AGAP1: variants seen among roughly 807,000 people sequenced by gnomAD.
The protein encoded by AGAP1 is arf-GAP with GTPase, ANK repeat and PH domain-containing protein 1.
A neutral mutation model predicts 105.3 loss-of-function variants in AGAP1; 29 were observed. That is an observed-to-expected ratio of 0.28 (90% CI 0.21 to 0.38). The LOEUF is 0.38. Among genes scored for constraint, AGAP1 ranks in the 10% least tolerant of loss-of-function variants. AGAP1 has a pLI of 1.00. For synonymous variants in AGAP1, 509 were observed against 485.9 expected, an observed-to-expected ratio of 1.05 and a Z score of -0.63; for missense variants, 998 against 1,165.1, an observed-to-expected ratio of 0.86 and a Z score of 2.09.
chr2:235,970,044 A>C lies in AGAP1; in HGVS notation c.1645+1421A>C, dbSNP rs760618732. 2.6e-5 allele frequency among the ~76,000 whole-genome samples: 4 copies of C among 152,064 alleles called. No individual in the cohort carries two copies. The highest frequency in any genetic ancestry group is 4.8e-5 in the African/African-American group (2 of 41,398). On this transcript the variant is annotated intron_variant, in intron 13 of 17. Coordinates refer to ENST00000304032, the MANE Select transcript of AGAP1 (RefSeq NM_001037131.3). The surrounding 1 kb of genome is among the most constrained non-coding windows in gnomAD (Gnocchi z 5.4). ...TGATGAAACTCTGTCTCTACTAAAA[A>C]TACAAAAATTAGCTGGATGTGGTGG...
chr2:236,081,158 T>C (rs1460257618), intron 16 of AGAP1, among the ~76,000 whole-genome samples: 1 of 151,918 alleles, frequency 6.6e-6, no homozygotes, highest in African/African-American at 2.4e-5. Context: ...CATCTCAGCG[T>C]AGGGTGCAGA....
At chr2:235,703,558 CTCCTTCCCCTCCCCCGCT>C (rs1950365630) in intron 1 of AGAP1, among the ~76,000 whole-genome samples, 1 of 140,652 alleles carries the variant, frequency 7.1e-6, no homozygotes, top group Admixed American at 7.2e-5. Flanking sequence ...TCCCCTCCCC[CTCCTTCCCCTCCCCCGCT>C]TCCCTCCCCT....
chr2:236,014,831 C>T lies in AGAP1; in HGVS notation c.1646-21730C>T, dbSNP rs2056640065. 1 of 459,582 alleles carries T rather than the reference C, an allele frequency of 2.2e-6. No homozygotes were observed. The highest frequency in any genetic ancestry group is 4.5e-6 in the Non-Finnish European group (1 of 222,940). The allele number at this position is 459,582 out of a possible 1,614,324, so 28.5% of individuals were successfully genotyped here. A position where few individuals can be genotyped will look rare whatever the true frequency, so the allele number is the denominator to read the frequency against. ...CAAACGCAAAGCATGGAAACTAAAC[C>T]GTGTTGGTAGCCTGCGAAATATATA... On this transcript the variant is annotated intron_variant, in intron 13 of 17. Transcript: ENST00000304032. The surrounding 1 kb of genome is among the most constrained non-coding windows in gnomAD (Gnocchi z 6.3).
chr2:235,544,455 AG>A (rs1390673909), intron 1 of AGAP1, among the ~76,000 whole-genome samples: 2 of 152,212 alleles, frequency 1.3e-5, no homozygotes, highest in African/African-American at 4.8e-5. Flanking sequence ...CGGTCCCCTT[AG>A]GCTGAGCATC....
At chr2:235,510,155 A>G (rs1020231246) in intron 1 of AGAP1, among the ~76,000 whole-genome samples, 2 of 152,164 alleles carry the variant, frequency 1.3e-5, no homozygotes, top group African/African-American at 2.4e-5. Flanking sequence ...ATATATTACA[A>G]TGCAGTAATG....
chr2:235,550,863 C>T lies in AGAP1; in HGVS notation c.163+56014C>T, dbSNP rs940694852. ...TGTCTCGGCTCACTACAACCTCCACCTCCTGGGTCCAAGCAATTCTCCTGC... is the reference window on the plus strand; with the variant it reads ...TGTCTCGGCTCACTACAACCTCCACTTCCTGGGTCCAAGCAATTCTCCTGC... On this transcript the variant is annotated intron_variant, in intron 1 of 17. Coordinates refer to ENST00000304032, the MANE Select transcript of AGAP1 (RefSeq NM_001037131.3). This position sits in a 1 kb window ranked among gnomAD's most constrained non-coding sequence, Gnocchi z 4.6. 6.6e-6 allele frequency among the ~76,000 whole-genome samples: 1 copy of T among 152,140 alleles called. No homozygotes were observed. The highest frequency in any genetic ancestry group is 1.9e-4 in the East Asian group (1 of 5,182).
chr2:235,518,656 T>C (rs1410660626), intron 1 of AGAP1, among the ~76,000 whole-genome samples: 2 of 152,178 alleles, frequency 1.3e-5, no homozygotes, highest in East Asian at 3.8e-4. Context: ...GAGAGTGACA[T>C]GGTGTTTTGA....
chr2:235,916,676 A>C (rs1559643560), intron 11 of AGAP1, among the ~76,000 whole-genome samples: 1 of 152,268 alleles, frequency 6.6e-6, no homozygotes, highest in Non-Finnish European at 1.5e-5. Flanking sequence ...ATGGAGAAGA[A>C]CACACGGCAT....
At position 236,040,976 on chromosome 2, in the gene AGAP1, A is replaced by G; in HGVS notation, c.1891+135A>G. The G allele has an allele frequency of 2.3e-6, 2 of 868,256 alleles. No homozygotes were observed. Among genetic ancestry groups the G allele is most frequent in the Non-Finnish European group, 3.6e-6 (2 of 563,368 alleles). 53.8% of individuals were successfully genotyped at this position (868,256 alleles called of 1,614,324 possible). On this transcript the variant is annotated intron_variant, in intron 15 of 17. Coordinates refer to ENST00000304032, the MANE Select transcript of AGAP1 (RefSeq NM_001037131.3). This position sits in a 1 kb window ranked among gnomAD's most constrained non-coding sequence, Gnocchi z 5.6. ...AGTTAACTGCTTTTAGGAAATTGAG[A>G]TATTTTGTTTGGATTTTACCTTAAC... is the stretch of plus-strand genomic sequence containing the variant.
chr2:235,726,593 G>C (rs1043925146), intron 3 of AGAP1, among the ~76,000 whole-genome samples: 1 of 152,182 alleles, frequency 6.6e-6, no homozygotes, highest in Non-Finnish European at 1.5e-5. Context: ...CCTCCCGTCT[G>C]CCCATGTCTT....
chr2:235,760,263 C>T (rs1270608203), intron 6 of AGAP1, among the ~76,000 whole-genome samples: 4 of 152,140 alleles, frequency 2.6e-5, no homozygotes, highest in Admixed American at 1.3e-4. Context: ...CCTGTAGTCC[C>T]GGCTACTCGG....
intron 1 of AGAP1, among the ~76,000 whole-genome samples, chr2:235,667,761 C>T (rs1009710118): frequency 1.3e-5 from 2 of 151,886 alleles, no homozygotes; most frequent in African/African-American, 4.8e-5. Flanking sequence ...GAGTTCGAGA[C>T]CAGCATGACC....
chr2:235,670,309 G>GGAGGAGGCC (rs952732939), intron 1 of AGAP1: 1 of 465,256 alleles, frequency 2.1e-6, no homozygotes, highest in South Asian at 3.7e-5. Flanking sequence ...GGAGGCTTGA[G>GGAGGAGGCC]GAGGAGGCCG....
At chr2:235,568,212 A>G (rs907304867) in intron 1 of AGAP1, among the ~76,000 whole-genome samples, 34 of 152,178 alleles carry the variant, frequency 2.2e-4, no homozygotes, top group South Asian at 6.2e-4. Context: ...CATGGAGGTC[A>G]TTCCTTACTG....
chr2:235,985,173 T>A (rs1055188509), intron 13 of AGAP1, among the ~76,000 whole-genome samples: 10 of 152,256 alleles, frequency 6.6e-5, no homozygotes, highest in African/African-American at 2.4e-4. Flanking sequence ...TATCTCACTG[T>A]GGTTTTGATT....
rs558385944 is a variant in AGAP1, at chr2:235,705,035, A to G, written c.164-4144A>G. 1.5e-4 allele frequency among the ~76,000 whole-genome samples: 19 copies of G among 128,904 alleles called. 2 individuals are homozygous for G. The South Asian group carries it at 3.9e-3, about 26-fold the overall frequency. The allele number at this position is 128,904 out of a possible 152,430, so 84.6% of individuals were successfully genotyped here. ...ACTCTGTTGCCCAGGCTGGAGTGCA[A>G]TGGTGGGATCTCGGCTCGCTGCAAC... On this transcript the variant is annotated intron_variant, in intron 1 of 17. Coordinates refer to ENST00000304032, the MANE Select transcript of AGAP1 (RefSeq NM_001037131.3). The surrounding 1 kb of genome is among the most constrained non-coding windows in gnomAD (Gnocchi z 4.9).
intron 1 of AGAP1, among the ~76,000 whole-genome samples, chr2:235,505,416 G>T (rs2149011596): frequency 6.6e-6 from 1 of 152,320 alleles, no homozygotes; most frequent in African/African-American, 2.4e-5. Context: ...TTCTCTGGTG[G>T]CTTTGCAATG....
chr2:235,811,740 C>T (rs1440189253), intron 9 of AGAP1, among the ~76,000 whole-genome samples: 1 of 152,194 alleles, frequency 6.6e-6, no homozygotes, highest in Non-Finnish European at 1.5e-5. Flanking sequence ...GCCCCCGGCC[C>T]GGCCCAGCTC....
At chr2:235,527,307 G>A (rs34811258) in intron 1 of AGAP1, among the ~76,000 whole-genome samples, 24,585 of 152,110 alleles carry the variant, frequency 0.16, 2,239 homozygotes, top group East Asian at 0.25. Flanking sequence ...GCAAAACACC[G>A]GAAAAATTGC....
Sources: allele counts gnomAD v4.1 joint callset (sites outside exome capture counted in the v4.1 genomes callset), GRCh38; gene constraint gnomAD v4.1.1; non-coding constraint Gnocchi (gnomAD v3.1); transcripts MANE v1.5; gene names NCBI Gene and HGNC (gene_info 2026-07-23, HGNC 2026-07-21).